ARHGAP26: variants seen among roughly 807,000 people sequenced by gnomAD.
ARHGAP26 encodes Rho GTPase activating protein 26.
In ARHGAP26, 38 loss-of-function variants were observed where a neutral mutation model predicts 104.8. The ratio of observed to expected loss-of-function variants is 0.36; its 90% CI spans 0.28 to 0.48. ARHGAP26 has a LOEUF of 0.48. Among genes scored for constraint, ARHGAP26 ranks in the 20% least tolerant of loss-of-function variants. ARHGAP26 has a pLI of 0.99. For missense variants in ARHGAP26, 704 were observed against 947.9 expected (o/e 0.74, Z 3.38); for synonymous variants, 341 against 340.0 (o/e 1.00, Z -0.03).
intron 1 of ARHGAP26, among the ~76,000 whole-genome samples, chr5:142,813,897 C>G (rs1389753739): frequency 6.6e-6 from 1 of 152,212 alleles, no homozygotes; most frequent in East Asian, 1.9e-4. Flanking sequence ...CTCATGTTAC[C>G]TAAGCCTTGA....
intron 1 of ARHGAP26, among the ~76,000 whole-genome samples, chr5:142,784,758 A>G (rs996502246): frequency 5.3e-5 from 8 of 152,146 alleles, no homozygotes; most frequent in African/African-American, 1.7e-4. Flanking sequence ...CATTTGCAGC[A>G]TACAATTCAA....
chr5:142,851,095 C>T (rs923900836), intron 1 of ARHGAP26, among the ~76,000 whole-genome samples: 2 of 148,714 alleles, frequency 1.3e-5, no homozygotes, highest in African/African-American at 2.5e-5. Context: ...ATGGAAAATA[C>T]ATTTTTTTTT....
Position 143,037,210 on chromosome 5 carries a change from A to G in ARHGAP26, c.1159A>G (p.Ser387Gly), listed in dbSNP as rs766463008. Residue 387 changes from serine to glycine, a missense_variant, in exon 13 of 23, where the codon AGC (serine) becomes GGC (glycine). By Grantham distance (56) the Ser-to-Gly change is moderately conservative. Transcript: ENST00000645722. ...TGCTCTTTCAGCTGCGCAGTTGGAC[A>G]GCATTGGCTTCAGCATAATCAGGAA... is the stretch of plus-strand genomic sequence containing the variant. ...SQSEGTAQLD[S>G]IGFSIIRKCI... is the part of the protein sequence containing the mutation. 2.5e-6 allele frequency: 4 copies of G among 1,602,338 alleles called. No homozygotes were observed. Among genetic ancestry groups the G allele is most frequent in the East Asian group, 2.2e-5 (1 of 44,724 alleles).
At chr5:142,817,914 G>A (rs537788767) in intron 1 of ARHGAP26, among the ~76,000 whole-genome samples, 19 of 152,318 alleles carry the variant, frequency 1.2e-4, no homozygotes, top group Admixed American at 9.8e-4. Context: ...AGTTTTAGTT[G>A]TGATTCATTT....
chr5:143,172,182 A>G (rs1430813158), intron 20 of ARHGAP26, among the ~76,000 whole-genome samples: 2 of 152,176 alleles, frequency 1.3e-5, no homozygotes, highest in South Asian at 2.1e-4. Context: ...AATTCTGTAC[A>G]TGCATGCGTG....
chr5:142,981,974 T>A (rs1293650186), intron 11 of ARHGAP26, among the ~76,000 whole-genome samples: 1 of 152,264 alleles, frequency 6.6e-6, no homozygotes, highest in Non-Finnish European at 1.5e-5. Flanking sequence ...TTCATTGCAT[T>A]AGTCCACTTG....
At chr5:143,058,525 T>C (rs1041216818) in intron 17 of ARHGAP26, among the ~76,000 whole-genome samples, 1 of 152,212 alleles carries the variant, frequency 6.6e-6, no homozygotes, top group African/African-American at 2.4e-5. Context: ...TCCGTTGACT[T>C]TGATGGTATG....
chr5:143,142,134 C>CTTTTTTTTTTT (rs762332039), intron 19 of ARHGAP26, among the ~76,000 whole-genome samples: 11 of 105,368 alleles, frequency 1.0e-4, no homozygotes, highest in East Asian at 3.1e-4. Flanking sequence ...CTACTTTTCA[C>CTTTTTTTTTTT]TTTTTTTTTT....
intron 1 of ARHGAP26, among the ~76,000 whole-genome samples, chr5:142,864,298 A>T (rs917930629): frequency 1.3e-5 from 2 of 152,214 alleles, no homozygotes; most frequent in African/African-American, 4.8e-5. Context: ...GGCAGTGGAC[A>T]GAAAGGATTT....
At chr5:143,119,579 C>G (rs931302700) in intron 17 of ARHGAP26, among the ~76,000 whole-genome samples, 5 of 152,122 alleles carry the variant, frequency 3.3e-5, no homozygotes, top group African/African-American at 9.7e-5. Flanking sequence ...ATAAGTAAAA[C>G]CAGGAGACTC....
intron 13 of ARHGAP26, among the ~76,000 whole-genome samples, chr5:143,040,839 A>G (rs1783356288): frequency 6.6e-6 from 1 of 152,260 alleles, no homozygotes; most frequent in South Asian, 2.1e-4. Context: ...GCATGTGGTC[A>G]ATGATGCAAT....
At chr5:143,064,332 G>A (rs1028810543) in intron 17 of ARHGAP26, among the ~76,000 whole-genome samples, 3 of 151,592 alleles carry the variant, frequency 2.0e-5, no homozygotes, top group African/African-American at 7.3e-5. Flanking sequence ...AGAGGAGCTC[G>A]ATGTTTGGTG....
At chr5:142,900,380 A>C (rs1760137870) in intron 6 of ARHGAP26, among the ~76,000 whole-genome samples, 1 of 152,184 alleles carries the variant, frequency 6.6e-6, no homozygotes, top group African/African-American at 2.4e-5. Flanking sequence ...TTATAGCCAG[A>C]GGACCCAGCA....
intron 20 of ARHGAP26, among the ~76,000 whole-genome samples, chr5:143,196,152 C>T (rs980709279): frequency 2.0e-5 from 3 of 151,778 alleles, no homozygotes; most frequent in African/African-American, 7.3e-5. Context: ...CTAAATAATA[C>T]TAAATTATTA....
At chr5:142,792,048 A>T (rs948137541) in intron 1 of ARHGAP26, among the ~76,000 whole-genome samples, 1 of 152,024 alleles carries the variant, frequency 6.6e-6, no homozygotes, top group African/African-American at 2.4e-5. Flanking sequence ...ATTACAAAAG[A>T]GTCATTTTTC....
chr5:143,014,679 C>CCTG (rs1779350984), intron 12 of ARHGAP26, among the ~76,000 whole-genome samples: 1 of 152,106 alleles, frequency 6.6e-6, no homozygotes, highest in South Asian at 2.1e-4. Context: ...GTGCATTTGC[C>CCTG]CTGCTGCTGC....
chr5:142,965,706 T>C (rs1220885106), intron 11 of ARHGAP26, among the ~76,000 whole-genome samples: 1 of 152,264 alleles, frequency 6.6e-6, no homozygotes, highest in East Asian at 1.9e-4. Context: ...TCTTGTCTTA[T>C]ATTTTATTAT....
intron 11 of ARHGAP26, among the ~76,000 whole-genome samples, chr5:142,993,051 G>A (rs1038103418): frequency 2.6e-5 from 4 of 151,688 alleles, no homozygotes; most frequent in East Asian, 3.9e-4. Flanking sequence ...GCGGGATCTC[G>A]GCTCACTGCA....
At chr5:142,952,825 C>T (rs1416311040) in intron 11 of ARHGAP26, among the ~76,000 whole-genome samples, 3 of 152,168 alleles carry the variant, frequency 2.0e-5, no homozygotes, top group Non-Finnish European at 4.4e-5. Context: ...TTCTCTGCCT[C>T]AGCCTCCTGA....
Sources: allele counts gnomAD v4.1 joint callset (sites outside exome capture counted in the v4.1 genomes callset), GRCh38; gene constraint gnomAD v4.1.1; transcripts MANE v1.5; gene names NCBI Gene and HGNC (gene_info 2026-07-23, HGNC 2026-07-21).